HS3ST4: variants seen among roughly 807,000 people sequenced by gnomAD.
HS3ST4 encodes the protein heparan sulfate-glucosamine 3-sulfotransferase 4, also known as heparan sulfate glucosamine 3-O-sulfotransferase 4.
A neutral mutation model predicts 29.2 loss-of-function variants in HS3ST4; 17 were observed. That is an observed-to-expected ratio of 0.58 (90% CI 0.40 to 0.87). The LOEUF (loss-of-function observed/expected upper bound fraction) is 0.87. HS3ST4 is among the 40% of genes least tolerant of loss of function. The probability of loss-of-function intolerance (pLI) is 0.00; values close to 1 mark genes in which losing one functional copy is unlikely to be tolerated. For missense variants in HS3ST4, 627 were observed against 634.5 expected, an observed-to-expected ratio of 0.99 and a Z score of 0.13; for synonymous variants, 314 against 285.7, an observed-to-expected ratio of 1.10 and a Z score of -1.00.
At chr16:25,829,478 A>G (rs1007747135) in intron 1 of HS3ST4, among the ~76,000 whole-genome samples, 5 of 152,196 alleles carry the variant, frequency 3.3e-5, no homozygotes, top group Admixed American at 2.6e-4. Flanking sequence ...GTAGGTATAC[A>G]TGTACCGTGG....
chr16:26,031,310 C>T lies in HS3ST4; in HGVS notation c.735-104302C>T, dbSNP rs574434485. Among the ~76,000 whole-genome samples, 453 of 152,306 alleles carry T rather than the reference C, an allele frequency of 3.0e-3. 2 individuals carry two copies. The highest frequency in any genetic ancestry group is 4.9e-3 in the Non-Finnish European group (330 of 68,028). The stretch of plus-strand genomic sequence containing the variant: ...GAGAAAGAGATGGATACAGATCATT[C>T]AGCAGCTCCCAGAAATGTGGCACCA... On this transcript the variant is annotated intron_variant, in intron 1 of 1. Coordinates refer to ENST00000331351, the MANE Select transcript of HS3ST4 (RefSeq NM_006040.3).
At chr16:25,715,441 A>G (rs1156363374) in intron 1 of HS3ST4, among the ~76,000 whole-genome samples, 1 of 151,924 alleles carries the variant, frequency 6.6e-6, no homozygotes, top group Non-Finnish European at 1.5e-5. Context: ...TCCATATGCA[A>G]TTACCATGAG....
chr16:25,873,479 TC>T (rs1555470017), intron 1 of HS3ST4, among the ~76,000 whole-genome samples: 1 of 8,098 alleles, frequency 1.2e-4, no homozygotes, highest in African/African-American at 3.4e-4. Flanking sequence ...TCCATCTATC[TC>T]TCTATCTATC....
chr16:25,979,613 C>T (rs898328914), intron 1 of HS3ST4, among the ~76,000 whole-genome samples: 5 of 152,160 alleles, frequency 3.3e-5, no homozygotes, highest in African/African-American at 1.2e-4. Flanking sequence ...CTCAGGGCTC[C>T]CACTGATTCT....
chr16:25,700,194 G>GA (rs1567222688), intron 1 of HS3ST4, among the ~76,000 whole-genome samples: 1 of 152,050 alleles, frequency 6.6e-6, no homozygotes, highest in African/African-American at 2.4e-5. Flanking sequence ...GCTGAAGGAG[G>GA]AAAAAAAGTA....
intron 1 of HS3ST4, among the ~76,000 whole-genome samples, chr16:25,916,869 C>T (rs574827172): frequency 2.0e-5 from 3 of 151,768 alleles, no homozygotes; most frequent in African/African-American, 4.8e-5. Flanking sequence ...TTAGTAGACA[C>T]GGGGTTTCAC....
At chr16:26,015,401 C>T (rs1322292036) in intron 1 of HS3ST4, among the ~76,000 whole-genome samples, 1 of 152,216 alleles carries the variant, frequency 6.6e-6, no homozygotes, top group Non-Finnish European at 1.5e-5. Context: ...TTAGAGATGT[C>T]TTATCCTCCC....
intron 1 of HS3ST4, among the ~76,000 whole-genome samples, chr16:25,796,174 C>T (rs1479226103): frequency 6.6e-6 from 1 of 152,130 alleles, no homozygotes; most frequent in Non-Finnish European, 1.5e-5. Context: ...TGTTTCTATC[C>T]CTTGTAACAA....
intron 1 of HS3ST4, among the ~76,000 whole-genome samples, chr16:25,928,817 G>A (rs530839412): frequency 2.6e-5 from 4 of 152,226 alleles, no homozygotes; most frequent in East Asian, 1.9e-4. Context: ...TACCAGAATC[G>A]ATGCAGCCCA....
At chr16:26,100,405 AT>A (rs1898976537) in intron 1 of HS3ST4, among the ~76,000 whole-genome samples, 1 of 152,174 alleles carries the variant, frequency 6.6e-6, no homozygotes, top group African/African-American at 2.4e-5. Flanking sequence ...GCAGCAGCAA[AT>A]TTGGGTCAAG....
At chr16:25,984,697 TAA>T (rs1969044315) in intron 1 of HS3ST4, among the ~76,000 whole-genome samples, 1 of 152,364 alleles carries the variant, frequency 6.6e-6, no homozygotes, top group East Asian at 1.9e-4. Flanking sequence ...TCACTAAACA[TAA>T]TGCCCTCCAG....
chr16:25,857,205 A>G (rs1471294563), intron 1 of HS3ST4, among the ~76,000 whole-genome samples: 1 of 152,140 alleles, frequency 6.6e-6, no homozygotes, highest in East Asian at 1.9e-4. Flanking sequence ...AAGTGTTCCT[A>G]TCAGTGTATG....
At chr16:25,905,667 TA>T (rs1293336210) in intron 1 of HS3ST4, among the ~76,000 whole-genome samples, 1 of 152,186 alleles carries the variant, frequency 6.6e-6, no homozygotes, top group African/African-American at 2.4e-5. Flanking sequence ...GGAAAATAAT[TA>T]ATCAGGAACT....
intron 1 of HS3ST4, among the ~76,000 whole-genome samples, chr16:25,827,317 G>A (rs1012553779): frequency 2.0e-5 from 3 of 152,068 alleles, no homozygotes; most frequent in Admixed American, 6.6e-5. Context: ...CAATTCCTTC[G>A]TTCAAGCAAT....
intron 1 of HS3ST4, among the ~76,000 whole-genome samples, chr16:26,118,143 G>A (rs999591189): frequency 4.6e-5 from 7 of 152,122 alleles, no homozygotes; most frequent in African/African-American, 1.4e-4. Flanking sequence ...ATGGGTCACC[G>A]CAGCCTCCAA....
intron 1 of HS3ST4, among the ~76,000 whole-genome samples, chr16:26,073,837 GTGGA>G (rs1195851711): frequency 6.6e-6 from 1 of 152,134 alleles, no homozygotes; most frequent in East Asian, 1.9e-4. Context: ...TCACTTTTGG[GTGGA>G]TGCCTTATTG....
intron 1 of HS3ST4, among the ~76,000 whole-genome samples, chr16:25,757,749 C>T (rs1384014530): frequency 6.6e-6 from 1 of 151,784 alleles, no homozygotes; most frequent in Non-Finnish European, 1.5e-5. Context: ...TGGAGGCTAC[C>T]ATGGGGGCCA....
At chr16:25,787,068 A>G (rs1226455918) in intron 1 of HS3ST4, among the ~76,000 whole-genome samples, 1 of 152,236 alleles carries the variant, frequency 6.6e-6, no homozygotes, top group Admixed American at 6.5e-5. Flanking sequence ...AAAATATCAT[A>G]TAAAATGTGA....
chr16:25,732,723 G>C (rs1439634620), intron 1 of HS3ST4, among the ~76,000 whole-genome samples: 1 of 152,198 alleles, frequency 6.6e-6, no homozygotes, highest in East Asian at 1.9e-4. Context: ...GATGGAACCA[G>C]TTAAATTTCT....
Sources: allele counts gnomAD v4.1 joint callset (sites outside exome capture counted in the v4.1 genomes callset), GRCh38; gene constraint gnomAD v4.1.1; transcripts MANE v1.5; gene names NCBI Gene and HGNC (gene_info 2026-07-23, HGNC 2026-07-21).